COP1: variants seen among roughly 807,000 people sequenced by gnomAD.
COP1 encodes E3 ubiquitin-protein ligase COP1.
In COP1, 24 loss-of-function variants were observed where a neutral mutation model predicts 101.3. That is an observed-to-expected ratio of 0.24 (90% confidence interval 0.17 to 0.33). The LOEUF (loss-of-function observed/expected upper bound fraction) is 0.33, where lower values mean the gene tolerates loss of function less well. COP1 is among the 10% of genes least tolerant of loss of function. The pLI, the probability that COP1 is intolerant of heterozygous loss-of-function variation, is 1.00. For missense variants in COP1, 663 were observed against 906.2 expected (o/e 0.73, Z 3.45); for synonymous variants, 347 against 341.9 (o/e 1.01, Z -0.17).
chr1:176,187,568 T>G (rs1314651809), intron 1 of COP1, among the ~76,000 whole-genome samples: 1 of 152,142 alleles, frequency 6.6e-6, no homozygotes, highest in Non-Finnish European at 1.5e-5. Context: ...GGCTTTTTAA[T>G]CACAGTTCTA....
intron 18 of COP1, among the ~76,000 whole-genome samples, chr1:175,961,479 A>T (rs940828745): frequency 1.3e-5 from 2 of 152,150 alleles, no homozygotes; most frequent in Non-Finnish European, 2.9e-5. Context: ...TTCAAAGGAG[A>T]ATAAGACATG....
rs763391832 is a variant in COP1 at position 176,206,689 on chromosome 1, G to A, written c.290C>T (p.Ala97Val). 6.2e-7 allele frequency: 1 copy of A among 1,606,848 alleles called. No individual in the cohort carries two copies. The highest frequency in any genetic ancestry group is 1.1e-5 in the South Asian group (1 of 91,004). The change falls in exon 1 of 20, where the codon GCC becomes GTC. Residue 97 changes from alanine (A) to valine (V), a missense_variant. Transcript: ENST00000367669. Reference protein sequence around the residue: ...SRHSCAARPSAGVGGSSSSLG... With the variant: ...SRHSCAARPSVGVGGSSSSLG... ...GCTGGAGCTGCTGCCTCCTACGCCGGCGCTGGGCCTGGCCGCGCAGCTGTG... is the reference window on the plus strand; with the variant it reads ...GCTGGAGCTGCTGCCTCCTACGCCGACGCTGGGCCTGGCCGCGCAGCTGTG...
At chr1:176,057,904 G>A (rs1048160308) in intron 11 of COP1, among the ~76,000 whole-genome samples, 33 of 151,748 alleles carry the variant, frequency 2.2e-4, no homozygotes, top group African/African-American at 5.8e-4. Context: ...GTCTCTGCCC[G>A]GCCGCCCATC....
intron 18 of COP1, among the ~76,000 whole-genome samples, chr1:175,953,564 C>T (rs1650222758): frequency 6.6e-6 from 1 of 151,836 alleles, no homozygotes; most frequent in Middle Eastern, 3.2e-3. Flanking sequence ...TTGAGATCAG[C>T]TTGAGCAACA....
intron 11 of COP1, among the ~76,000 whole-genome samples, chr1:176,054,468 C>T (rs2149254350): frequency 6.6e-6 from 1 of 152,120 alleles, no homozygotes; most frequent in Non-Finnish European, 1.5e-5. Context: ...GGCCAAATTA[C>T]TCTGTTTTTA....
chr1:176,079,531 T>C (rs1361741153), intron 11 of COP1, among the ~76,000 whole-genome samples: 1 of 151,760 alleles, frequency 6.6e-6, no homozygotes, highest in Non-Finnish European at 1.5e-5. Context: ...ACTTGTTGTG[T>C]ACCTATGCTC....
intron 8 of COP1, among the ~76,000 whole-genome samples, chr1:176,122,037 G>A (rs899895714): frequency 5.3e-5 from 8 of 151,784 alleles, no homozygotes; most frequent in Non-Finnish European, 8.8e-5. Context: ...CTACTCAGGA[G>A]GCTGAGGCAG....
chr1:176,003,439 G>C (rs1662285826), intron 15 of COP1, among the ~76,000 whole-genome samples: 2 of 151,914 alleles, frequency 1.3e-5, no homozygotes, highest in South Asian at 2.1e-4. Context: ...CCTATGTCCT[G>C]AATGGTATTG....
chr1:176,097,683 G>C (rs1445312391), intron 9 of COP1, among the ~76,000 whole-genome samples: 1 of 151,796 alleles, frequency 6.6e-6, no homozygotes, highest in Non-Finnish European at 1.5e-5. Context: ...AGCCTGGCCA[G>C]CATGGTGAAA....
intron 15 of COP1, among the ~76,000 whole-genome samples, chr1:175,998,697 G>T (rs1019826928): frequency 7.4e-4 from 112 of 152,130 alleles, no homozygotes; most frequent in Non-Finnish European, 1.1e-3. Context: ...ATAGTCCAGA[G>T]ATGATTTTAC....
At chr1:176,020,933 T>C (rs1429526979) in intron 15 of COP1, among the ~76,000 whole-genome samples, 1 of 152,148 alleles carries the variant, frequency 6.6e-6, no homozygotes, top group African/African-American at 2.4e-5. Flanking sequence ...TGGGCAAAAA[T>C]TACTGATATT....
intron 18 of COP1, among the ~76,000 whole-genome samples, chr1:175,954,652 A>C (rs1012464327): frequency 6.6e-6 from 1 of 152,162 alleles, no homozygotes; most frequent in Admixed American, 6.5e-5. Flanking sequence ...GAAATGAACA[A>C]ATTCTATGAA....
Position 176,064,816 on chromosome 1 carries a change from G to GT in COP1, c.1277+16335dup, listed in dbSNP as rs545659228. Among the ~76,000 whole-genome samples the GT allele has an allele frequency of 2.2e-4, 34 of 151,970 alleles. No individual in the cohort carries two copies. In the East Asian group the frequency reaches 6.2e-3, roughly 28 times the overall value. On this transcript the variant is annotated intron_variant, in intron 11 of 19. Transcript: ENST00000367669. The stretch of plus-strand genomic sequence containing the variant: ...TTTTTGCATTTTTTGTAGAGATGGA[G>GT]TTTCACCATGTTGCCCAGACTGGTC...
intron 18 of COP1, among the ~76,000 whole-genome samples, chr1:175,985,414 T>C (rs1040933695): frequency 6.6e-6 from 1 of 152,244 alleles, no homozygotes; most frequent in Non-Finnish European, 1.5e-5. Flanking sequence ...CTGTGGATAT[T>C]AGCAATCAAG....
In COP1 at chr1:176,162,970, T is replaced by C. The variant is rs1330861874; in HGVS notation, c.661A>G (p.Ile221Val). 1.9e-6 allele frequency: 3 copies of C among 1,605,406 alleles called. No individual in the cohort carries two copies. Among genetic ancestry groups the C allele is most frequent in the African/African-American group, 2.7e-5 (2 of 74,722 alleles). The change falls in exon 5 of 20, where the codon ATA (isoleucine) becomes GTA (valine). Residue 221 changes from isoleucine (I) to valine (V), a missense_variant. By Grantham distance (29) the Ile-to-Val change is conservative. Around this residue, in one of 4 missense-constraint regions of COP1, gnomAD observed 212 missense variants for 240.7 expected, o/e 0.88. Coordinates refer to ENST00000367669, the MANE Select transcript of COP1 (RefSeq NM_022457.7). ...VSSTNGHRWQIFQDWLGTDQD... is the reference protein window; with the variant it reads ...VSSTNGHRWQVFQDWLGTDQD... ...TCAGTTCCCAACCAATCTTGAAATA[T>C]CTGCCACCTGTGGCCATTCTAAAAA... is the stretch of plus-strand genomic sequence containing the variant.
chr1:176,111,410 C>T (rs1444897523), intron 9 of COP1, among the ~76,000 whole-genome samples: 2 of 152,078 alleles, frequency 1.3e-5, no homozygotes, highest in African/African-American at 4.8e-5. Flanking sequence ...TCTCCTGCCT[C>T]AGCCTCCTGA....
chr1:175,990,533 C>T (rs528644063), intron 15 of COP1, among the ~76,000 whole-genome samples: 1 of 152,118 alleles, frequency 6.6e-6, no homozygotes, highest in African/African-American at 2.4e-5. Flanking sequence ...TTCTAAAACT[C>T]TGCCAATTTT....
chr1:176,020,310 C>CG (rs1418444870), intron 15 of COP1, among the ~76,000 whole-genome samples: 1 of 129,108 alleles, frequency 7.7e-6, no homozygotes, highest in Admixed American at 8.6e-5. Context: ...GACTCCATCT[C>CG]GGAAAAAAAA....
intron 18 of COP1, among the ~76,000 whole-genome samples, chr1:175,966,919 C>T (rs1476598210): frequency 6.6e-6 from 1 of 152,194 alleles, no homozygotes; most frequent in Non-Finnish European, 1.5e-5. Context: ...TCCTTCCAAT[C>T]TTCCACCCCC....
Sources: allele counts gnomAD v4.1 joint callset (sites outside exome capture counted in the v4.1 genomes callset), GRCh38; gene constraint gnomAD v4.1.1; regional missense constraint gnomAD v4.1.1; transcripts MANE v1.5; gene names NCBI Gene and HGNC (gene_info 2026-07-23, HGNC 2026-07-21).